Variants in MREG observed in about 807,000 individuals in gnomAD.
MREG encodes the protein dilute suppressor protein homolog.
A neutral mutation model predicts 28.5 loss-of-function variants in MREG; 31 were observed. That is an observed-to-expected ratio of 1.09 (90% CI 0.82 to 1.47). The LOEUF (loss-of-function observed/expected upper bound fraction) is 1.47. Among genes scored for constraint, MREG ranks in the 40% most tolerant of loss-of-function variants. MREG has a pLI of 0.00. For missense variants in MREG, 256 were observed against 257.4 expected (o/e 0.99, Z 0.04); for synonymous variants, 106 against 95.2 (o/e 1.11, Z -0.66).
At chr2:215,975,431 A>G (rs1025153232) in intron 2 of MREG, among the ~76,000 whole-genome samples, 9 of 152,158 alleles carry the variant, frequency 5.9e-5, no homozygotes, top group African/African-American at 2.2e-4. Flanking sequence ...AAACTGCTGG[A>G]TGAGTTGACT....
chr2:215,948,038 C>T (rs1692365862), intron 2 of MREG, among the ~76,000 whole-genome samples: 1 of 152,174 alleles, frequency 6.6e-6, no homozygotes, highest in African/African-American at 2.4e-5. Flanking sequence ...TCCTAATGCA[C>T]AGCCCAAAAG....
At chr2:215,940,979 C>T (rs1434242460), downstream of MREG, among the ~76,000 whole-genome samples, 1 of 152,140 alleles carries the variant, frequency 6.6e-6, no homozygotes, top group Non-Finnish European at 1.5e-5. Flanking sequence ...TGTAGCTGAC[C>T]TTGTCTTAGT....
At chr2:216,003,666 C>A (rs1479046935) in intron 1 of MREG, among the ~76,000 whole-genome samples, 1 of 152,170 alleles carries the variant, frequency 6.6e-6, no homozygotes, top group Non-Finnish European at 1.5e-5. Flanking sequence ...AGCACCTGAT[C>A]TTCCCGCTAA....
chr2:215,979,881 A>G (rs1470019161), intron 2 of MREG, among the ~76,000 whole-genome samples: 1 of 151,320 alleles, frequency 6.6e-6, no homozygotes, highest in African/African-American at 2.4e-5. Context: ...TATGTCATCG[A>G]CTGTGATTTT....
intron 2 of MREG, among the ~76,000 whole-genome samples, chr2:215,993,298 T>C (rs1016839619): frequency 1.8e-4 from 27 of 151,990 alleles, no homozygotes; most frequent in Admixed American, 1.8e-3. Context: ...TTTGACAAAC[T>C]TGACAAAAAC....
intron 2 of MREG, among the ~76,000 whole-genome samples, chr2:215,947,482 T>C (rs1271558324): frequency 1.3e-5 from 2 of 152,208 alleles, no homozygotes; most frequent in Admixed American, 1.3e-4. Context: ...CTGCACACAG[T>C]GAGCATCTAA....
At chr2:216,015,481 A>C (rs1694435293), upstream of MREG, among the ~76,000 whole-genome samples, 1 of 152,134 alleles carries the variant, frequency 6.6e-6, no homozygotes, top group South Asian at 2.1e-4. Context: ...GGAACACGGG[A>C]CGTTGCAGGA....
downstream of MREG, among the ~76,000 whole-genome samples, chr2:215,940,971 T>A (rs1692190569): frequency 6.6e-6 from 1 of 152,206 alleles, no homozygotes. Flanking sequence ...ACAAACCATG[T>A]AGCTGACCTT....
rs373377568 is a variant in MREG at position 215,943,447 on chromosome 2, C to G, written c.*1416G>C. ...TGCAAGTCTGCATGAGAGGTCCCCC[C>G]ACAGGTGCAGCTGCCAGCCAACGAA... On this transcript the variant is annotated 3_prime_UTR_variant, in exon 5 of 5. Transcript: ENST00000263268. The G allele has an allele frequency of 2.2e-6, 1 of 456,720 alleles. No individual in the cohort carries two copies. The highest frequency in any genetic ancestry group is 4.4e-6 in the Non-Finnish European group (1 of 226,974). 28.3% of individuals were successfully genotyped at this position (456,720 alleles called of 1,614,324 possible). A position where few individuals can be genotyped will look rare whatever the true frequency, so the allele number is the denominator to read the frequency against.
intron 1 of MREG, among the ~76,000 whole-genome samples, chr2:216,025,781 G>A (rs934153): frequency 0.31 from 46,594 of 152,154 alleles, 7,460 homozygotes; most frequent in Admixed American, 0.4. Flanking sequence ...TAGAGCCCGT[G>A]AATCTCAGCA....
intron 2 of MREG, among the ~76,000 whole-genome samples, chr2:215,969,686 G>A (rs562779077): frequency 8.5e-5 from 13 of 152,224 alleles, no homozygotes; most frequent in African/African-American, 2.4e-4. Context: ...CCAAGGCCAC[G>A]CATTATATAA....
At chr2:215,984,069 C>G (rs571357893) in intron 2 of MREG, among the ~76,000 whole-genome samples, 1 of 152,180 alleles carries the variant, frequency 6.6e-6, no homozygotes, top group Non-Finnish European at 1.5e-5. Flanking sequence ...TACAGTTCCA[C>G]GTGGCTGGGG....
chr2:216,016,924 T>A (rs1395409952), upstream of MREG, among the ~76,000 whole-genome samples: 1 of 152,214 alleles, frequency 6.6e-6, no homozygotes, highest in Non-Finnish European at 1.5e-5. Context: ...CTAACATTTT[T>A]AAAATTAATT....
chr2:216,003,672 G>A (rs543285053), intron 1 of MREG, among the ~76,000 whole-genome samples: 20 of 152,084 alleles, frequency 1.3e-4, no homozygotes, highest in Admixed American at 1.1e-3. Context: ...TGATCTTCCC[G>A]CTAAACCCAT....
intron 2 of MREG, among the ~76,000 whole-genome samples, chr2:215,970,407 C>G (rs1693056643): frequency 6.6e-6 from 1 of 152,314 alleles, no homozygotes; most frequent in African/African-American, 2.4e-5. Flanking sequence ...TTTGGAACAG[C>G]AGCCCCAGCA....
intron 2 of MREG, among the ~76,000 whole-genome samples, chr2:215,948,586 T>C (rs1692382761): frequency 6.6e-6 from 1 of 152,178 alleles, no homozygotes; most frequent in South Asian, 2.1e-4. Context: ...ATATAAGTTG[T>C]AAGGGAAAAA....
intron 2 of MREG, among the ~76,000 whole-genome samples, chr2:215,995,641 G>A (rs1574638621): frequency 6.6e-6 from 1 of 152,052 alleles, no homozygotes; most frequent in South Asian, 2.1e-4. Flanking sequence ...GAACACAGAA[G>A]TCAGAAAACC....
intron 2 of MREG, among the ~76,000 whole-genome samples, chr2:215,960,084 T>G (rs1692739274): frequency 6.6e-6 from 1 of 152,022 alleles, no homozygotes; most frequent in Admixed American, 6.6e-5. Flanking sequence ...GCCTCCCGAG[T>G]AGTTGGGACT....
chr2:215,984,018 C>A (rs1693498523), intron 2 of MREG, among the ~76,000 whole-genome samples: 1 of 152,088 alleles, frequency 6.6e-6, no homozygotes, highest in African/African-American at 2.4e-5. Context: ...AGACATACCC[C>A]AGACTGAGAA....
Sources: allele counts gnomAD v4.1 joint callset (sites outside exome capture counted in the v4.1 genomes callset), GRCh38; gene constraint gnomAD v4.1.1; transcripts MANE v1.5; gene names NCBI Gene and HGNC (gene_info 2026-07-23, HGNC 2026-07-21).